The following TLL2 variants were observed in gnomAD, a reference collection of about 807,000 sequenced individuals.
The protein encoded by TLL2 is tolloid-like protein 2.
A neutral mutation model predicts 123.0 loss-of-function variants in TLL2; 106 were observed. The observed-to-expected ratio is 0.86, with a 90% CI of 0.74 to 1.01. TLL2 has a LOEUF of 1.01. Ranked by LOEUF, TLL2 falls within the 50% of genes least tolerant of loss-of-function variation. TLL2 has a pLI of 0.00. For synonymous variants in TLL2, 494 were observed against 516.8 expected, an observed-to-expected ratio of 0.96 and a Z score of 0.60; for missense variants, 1,332 against 1,336.7, an observed-to-expected ratio of 1.00 and a Z score of 0.06.
At chr10:96,472,961 G>A (rs1847199234) in intron 2 of TLL2, among the ~76,000 whole-genome samples, 1 of 151,920 alleles carries the variant, frequency 6.6e-6, no homozygotes. Context: ...ATAGCCTTTG[G>A]TTCCCCTCTT....
At chr10:96,476,635 AG>A (rs200194362) in intron 2 of TLL2, among the ~76,000 whole-genome samples, 1 of 128,638 alleles carries the variant, frequency 7.8e-6, no homozygotes, top group East Asian at 2.0e-4. Context: ...TGCTTCTAAG[AG>A]GAAAAAAAAA....
In TLL2 at chr10:96,368,031, TAAAA is replaced by T. The variant is rs1183854268; in HGVS notation, c.*53_*56del. The T allele has an allele frequency of 1.2e-6, 2 of 1,604,674 alleles. No homozygotes were observed. Among genetic ancestry groups the T allele is most frequent in the Non-Finnish European group, 1.7e-6 (2 of 1,174,980 alleles). On this transcript the variant is annotated 3_prime_UTR_variant, in exon 21 of 21. Transcript: ENST00000357947. ...CAGATTTTCAAGGTGCTATTGTTGT[TAAAA>T]ACAAAACAAAACAAAAAAAATTCTC...
chr10:96,368,062 G>A lies in TLL2; in HGVS notation c.*26C>T. On this transcript the variant is annotated 3_prime_UTR_variant, in exon 21 of 21. Coordinates refer to ENST00000357947, the MANE Select transcript of TLL2 (RefSeq NM_012465.4). ...CAAAACAAAACAAAAAAAATTCTCA[G>A]TTTCTGTCTTTCAAGAACATCAGCA... The A allele has an allele frequency of 6.2e-7, 1 of 1,610,924 alleles. No homozygotes were observed. Among genetic ancestry groups the A allele is most frequent in the Non-Finnish European group, 8.5e-7 (1 of 1,178,118 alleles).
intron 5 of TLL2, among the ~76,000 whole-genome samples, chr10:96,425,216 T>A (rs1445090673): frequency 2.0e-5 from 3 of 151,974 alleles, no homozygotes; most frequent in Non-Finnish European, 4.4e-5. Flanking sequence ...ATATTCTGCA[T>A]GTTTGGTTAG....
intron 8 of TLL2, 107 bp downstream of exon 8, chr10:96,413,085 C>T (rs1408843893): frequency 4.0e-5 from 60 of 1,483,502 alleles, no homozygotes; most frequent in Non-Finnish European, 5.4e-5. Flanking sequence ...GAAATTAAAG[C>T]TGCCAAGGAA....
chr10:96,392,343 T>G (rs369726232), intron 13 of TLL2, among the ~76,000 whole-genome samples: 77 of 152,278 alleles, frequency 5.1e-4, no homozygotes, highest in African/African-American at 1.8e-3. Flanking sequence ...AATTTGACTT[T>G]CAGATAAACC....
intron 7 of TLL2, among the ~76,000 whole-genome samples, chr10:96,413,689 C>G (rs1923694): frequency 0.11 from 16,666 of 152,096 alleles, 1,044 homozygotes; most frequent in South Asian, 0.16. Flanking sequence ...TTGGGAAGTA[C>G]TGTGTGTAGT....
intron 8 of TLL2, chr10:96,410,698 A>G: frequency 1.6e-6 from 1 of 627,066 alleles, no homozygotes; most frequent in African/African-American, 1.8e-5. Flanking sequence ...TGAGGCTCTC[A>G]GGACTGAGCA....
At chr10:96,496,441 A>G (rs368004434) in intron 1 of TLL2, among the ~76,000 whole-genome samples, 1 of 152,006 alleles carries the variant, frequency 6.6e-6, no homozygotes, top group South Asian at 2.1e-4. Flanking sequence ...CTACACAGCT[A>G]GGTCCTCCAC....
At chr10:96,378,770 C>G (rs1846159561) in intron 17 of TLL2, among the ~76,000 whole-genome samples, 197 bp downstream of exon 17, 1 of 152,242 alleles carries the variant, frequency 6.6e-6, no homozygotes, top group Non-Finnish European at 1.5e-5. Flanking sequence ...CCTAGAGCAC[C>G]TGAGGCCCCC....
At chr10:96,499,042 C>T (rs1847506544) in intron 1 of TLL2, among the ~76,000 whole-genome samples, 1 of 152,166 alleles carries the variant, frequency 6.6e-6, no homozygotes, top group South Asian at 2.1e-4. Context: ...TGGAACTGGA[C>T]CCTGTAAACA....
intron 2 of TLL2, among the ~76,000 whole-genome samples, chr10:96,476,671 C>A (rs11188781): frequency 0.42 from 63,140 of 151,636 alleles, 13,628 homozygotes; most frequent in East Asian, 0.73. Context: ...GGGAAACAAT[C>A]TTCACATTTA....
intron 1 of TLL2, among the ~76,000 whole-genome samples, chr10:96,483,722 G>T (rs1847333163): frequency 6.6e-6 from 1 of 152,136 alleles, no homozygotes; most frequent in Admixed American, 6.5e-5. Flanking sequence ...GCAAGTATTT[G>T]TTACAAGAGG....
chr10:96,428,738 C>T lies in TLL2; in HGVS notation c.531G>A (p.Arg177=), dbSNP rs1368085553. 1.2e-6 allele frequency: 2 copies of T among 1,611,436 alleles called. No homozygotes were observed. The highest frequency in any genetic ancestry group is 4.5e-5 in the East Asian group (2 of 44,846). ...GTCTCATGGCCTGCTTAAAAATGGC[C>T]CTCTGGCTCCCTGAAACAACAGGGC... ...VIGGNFTGSQ[R]AIFKQAMRHW... is the part of the protein sequence containing the mutation. Residue 177 remains arginine (R), a synonymous_variant, in exon 5 of 21, where the codon AGG becomes AGA. Coordinates refer to ENST00000357947, the MANE Select transcript of TLL2 (RefSeq NM_012465.4).
At chr10:96,491,225 A>G (rs1309111218) in intron 1 of TLL2, among the ~76,000 whole-genome samples, 1 of 152,086 alleles carries the variant, frequency 6.6e-6, no homozygotes, top group East Asian at 1.9e-4. Flanking sequence ...TACTAAAAAT[A>G]CAAAAAATTA....
intron 18 of TLL2, 47 bp from the exon 19 acceptor site, chr10:96,373,856 T>C: frequency 6.4e-7 from 1 of 1,573,038 alleles, no homozygotes; most frequent in Non-Finnish European, 8.7e-7. Flanking sequence ...GGCGTTCAGC[T>C]GGGGTGGGGG....
intron 7 of TLL2, 149 bp downstream of exon 7, chr10:96,420,807 C>T: frequency 1.5e-6 from 1 of 672,690 alleles, no homozygotes. Context: ...TATTTCACTG[C>T]AGCGCAGAGG....
chr10:96,386,277 C>T, intron 14 of TLL2, 62 bp from the exon 15 acceptor site: 1 of 1,457,628 alleles, frequency 6.9e-7, no homozygotes, highest in Non-Finnish European at 9.1e-7. Context: ...TGTGATTTCC[C>T]ACCAGGAGCA....
At chr10:96,494,046 G>A (rs1221588993) in intron 1 of TLL2, among the ~76,000 whole-genome samples, 1 of 152,226 alleles carries the variant, frequency 6.6e-6, no homozygotes, top group Non-Finnish European at 1.5e-5. Flanking sequence ...TCAAGGTGAG[G>A]ACTGACCTCA....
Sources: allele counts gnomAD v4.1 joint callset (sites outside exome capture counted in the v4.1 genomes callset), GRCh38; gene constraint gnomAD v4.1.1; transcripts MANE v1.5; gene names NCBI Gene and HGNC (gene_info 2026-07-23, HGNC 2026-07-21).